Variants in CTBP1 observed in about 807,000 individuals in gnomAD.
The protein encoded by CTBP1 is C-terminal-binding protein 1.
A neutral mutation model predicts 42.1 loss-of-function variants in CTBP1; 11 were observed. The ratio of observed to expected loss-of-function variants is 0.26; its 90% CI spans 0.16 to 0.43. The LOEUF is 0.43. CTBP1 is among the 20% of genes least tolerant of loss of function. The probability of loss-of-function intolerance (pLI) is 1.00; values close to 1 mark genes in which losing one functional copy is unlikely to be tolerated. For missense variants in CTBP1, 399 were observed against 624.3 expected (o/e 0.64, Z 3.85); for synonymous variants, 324 against 277.1 (o/e 1.17, Z -1.68).
At chr4:1,222,473 A>G (rs1185352721) in intron 5 of CTBP1, among the ~76,000 whole-genome samples, 1 of 152,084 alleles carries the variant, frequency 6.6e-6, no homozygotes, top group Admixed American at 6.5e-5. Context: ...CCTGCCCGAG[A>G]GCCCACAGGA....
chr4:1,212,638 A>C (rs1034111848), intron 9 of CTBP1: 6 of 609,512 alleles, frequency 9.8e-6, no homozygotes, highest in Non-Finnish European at 1.1e-5. Context: ...CTTGAACATG[A>C]GGTCTTCGCC....
In CTBP1 at chr4:1,228,838, C is replaced by T. The variant is rs1483864743; in HGVS notation, c.163-495G>A. 2.0e-5 allele frequency among the ~76,000 whole-genome samples: 3 copies of T among 152,320 alleles called. No individual in the cohort carries two copies. In the East Asian group the frequency reaches 5.8e-4, roughly 29 times the overall value. On this transcript the variant is annotated intron_variant, in intron 3 of 9. Coordinates refer to ENST00000382952, the MANE Select transcript of CTBP1 (RefSeq NM_001012614.2). ...GGTAGAAAGTGGTAAGTCCCCGCGG[C>T]ACACAAGCACGTCGGCGGAGGCAGG...
intron 2 of CTBP1, 123 bp downstream of exon 2, chr4:1,241,202 G>C: frequency 1.3e-6 from 1 of 767,222 alleles, no homozygotes; most frequent in Non-Finnish European, 2.4e-6. Context: ...GGTGGCAGCA[G>C]TCCGGCCCGA....
chr4:1,235,023 C>G lies in CTBP1; in HGVS notation c.162+3160G>C, dbSNP rs1415260718. The G allele has an allele frequency of 6.6e-6, 1 of 152,276 alleles. No homozygotes were observed. The highest frequency in any genetic ancestry group is 1.5e-5 in the Non-Finnish European group (1 of 68,084). 9.4% of individuals were successfully genotyped at this position (152,276 alleles called of 1,614,324 possible). ...GCACCCCTTGAAACCAGCTTCTTCA[C>G]TCGCCATCATGCTGCCGAGATCACC... On this transcript the variant is annotated intron_variant, in intron 3 of 9. Transcript: ENST00000382952. The surrounding 1 kb of genome is among the most constrained non-coding windows in gnomAD (Gnocchi z 4.2).
At chr4:1,215,674 C>G (rs943037006) in intron 6 of CTBP1, 2 of 409,036 alleles carry the variant, frequency 4.9e-6, no homozygotes, top group Non-Finnish European at 9.0e-6. Flanking sequence ...TCACAAGGGC[C>G]GACCCAACGC....
upstream of CTBP1, chr4:1,249,770 G>T: frequency 3.1e-6 from 1 of 323,308 alleles, no homozygotes; most frequent in Non-Finnish European, 6.4e-6. Flanking sequence ...GGGAAGTTCA[G>T]GGCTGGAGAA....
At chr4:1,239,471 G>A (rs1183091668) in intron 2 of CTBP1, among the ~76,000 whole-genome samples, 2 of 152,212 alleles carry the variant, frequency 1.3e-5, no homozygotes, top group African/African-American at 2.4e-5. Context: ...TCCAGTGGCC[G>A]CGGCCACAAG....
intron 5 of CTBP1, chr4:1,218,375 G>C (rs1729372658): frequency 6.6e-6 from 1 of 151,926 alleles, no homozygotes; most frequent in Non-Finnish European, 1.5e-5. Flanking sequence ...CTGCACTCCA[G>C]ACTGGGCGAC....
chr4:1,245,501 C>G (rs1041660963), intron 1 of CTBP1: 4 of 985,304 alleles, frequency 4.1e-6, no homozygotes, highest in Non-Finnish European at 4.8e-6. Flanking sequence ...CTGCCAGCCA[C>G]GCAGACAGGG....
chr4:1,247,555 C>G (rs1278976228), intron 1 of CTBP1, among the ~76,000 whole-genome samples: 1 of 152,140 alleles, frequency 6.6e-6, no homozygotes, highest in Non-Finnish European at 1.5e-5. Flanking sequence ...CAAACCGCAG[C>G]TGTCATCCTC....
At chr4:1,240,767 G>A (rs1041312277) in intron 2 of CTBP1, among the ~76,000 whole-genome samples, 1 of 152,136 alleles carries the variant, frequency 6.6e-6, no homozygotes, top group Non-Finnish European at 1.5e-5. Flanking sequence ...CCTGACCACC[G>A]TGCCAGGGTT....
intron 1 of CTBP1, chr4:1,243,331 C>T: frequency 1.0e-6 from 1 of 985,398 alleles, no homozygotes; most frequent in Non-Finnish European, 1.2e-6. Context: ...GCCGTGAGCT[C>T]CCGAGCTGAG....
At position 1,213,451 on chromosome 4, in the gene CTBP1, G is replaced by C. The variant is rs904909561; in HGVS notation, c.988+27C>G. On this transcript the variant is annotated intron_variant, in intron 8 of 9. Transcript: ENST00000382952. ...GGGGCTGGCAGGAAGGGACCCCCAG[G>C]CCTGACCGAGCGGCCCCCACGCCCA... 7 of 1,605,570 alleles carry C rather than the reference G, an allele frequency of 4.4e-6. No homozygotes were observed. The African/African-American group carries it at 9.3e-5, about 21-fold the overall frequency.
At chr4:1,247,772 G>GC (rs1553852064) in intron 1 of CTBP1, among the ~76,000 whole-genome samples, 4 of 52,372 alleles carry the variant, frequency 7.6e-5, no homozygotes, top group South Asian at 7.7e-4. Flanking sequence ...CGGGGAGGGG[G>GC]GGGGGGCTCG....
At chr4:1,240,583 T>C (rs1196806500) in intron 2 of CTBP1, among the ~76,000 whole-genome samples, 6 of 95,058 alleles carry the variant, frequency 6.3e-5, no homozygotes, top group Non-Finnish European at 1.3e-4. Context: ...TCCCGGGTGC[T>C]GGGTGAGTGG....
chr4:1,243,854 G>A (rs1732439411), intron 1 of CTBP1: 1 of 985,320 alleles, frequency 1.0e-6, no homozygotes, highest in East Asian at 1.1e-4. Flanking sequence ...GCCGCACACG[G>A]CTCTCAGCCC....
chr4:1,235,798 C>T lies in CTBP1; in HGVS notation c.162+2385G>A, dbSNP rs1731437505. The T allele has an allele frequency of 6.6e-6, 1 of 152,196 alleles. No homozygotes were observed. The highest frequency in any genetic ancestry group is 2.4e-5 in the African/African-American group (1 of 41,432). The allele number at this position is 152,196 out of a possible 1,614,324, so 9.4% of individuals were successfully genotyped here. A position where few individuals can be genotyped will look rare whatever the true frequency, so the allele number is the denominator to read the frequency against. On this transcript the variant is annotated intron_variant, in intron 3 of 9. Coordinates refer to ENST00000382952, the MANE Select transcript of CTBP1 (RefSeq NM_001012614.2). This position sits in a 1 kb window ranked among gnomAD's most constrained non-coding sequence, Gnocchi z 4.2. ...CTGTTTGCATGTGATGGACCCCGCACCAGATGGTGATTTGTAGAAATGACC... is the reference window on the plus strand; with the variant it reads ...CTGTTTGCATGTGATGGACCCCGCATCAGATGGTGATTTGTAGAAATGACC...
intron 1 of CTBP1, chr4:1,242,365 C>T: frequency 2.0e-6 from 2 of 985,388 alleles, no homozygotes; most frequent in Non-Finnish European, 2.4e-6. Context: ...CTGACCAGGA[C>T]AGGAGCCGGC....
At chr4:1,244,457 C>T (rs1732515510) in intron 1 of CTBP1, 2 of 985,064 alleles carry the variant, frequency 2.0e-6, no homozygotes, top group Admixed American at 6.2e-5. Flanking sequence ...TCCTCATCCC[C>T]GCCTGCTCAG....
Sources: allele counts gnomAD v4.1 joint callset (sites outside exome capture counted in the v4.1 genomes callset), GRCh38; gene constraint gnomAD v4.1.1; non-coding constraint Gnocchi (gnomAD v3.1); transcripts MANE v1.5; gene names NCBI Gene and HGNC (gene_info 2026-07-23, HGNC 2026-07-21).